GALNTL6: variants seen among roughly 807,000 people sequenced by gnomAD.
The protein encoded by GALNTL6 is polypeptide N-acetylgalactosaminyltransferase-like 6.
In GALNTL6, 46 loss-of-function variants were observed where a neutral mutation model predicts 73.7. The observed-to-expected ratio is 0.62, with a 90% CI of 0.49 to 0.80. The LOEUF is 0.80. GALNTL6 is among the 30% of genes least tolerant of loss of function. GALNTL6 has a pLI of 0.00. For synonymous variants in GALNTL6, 259 were observed against 263.7 expected, an observed-to-expected ratio of 0.98 and a Z score of 0.17; for missense variants, 604 against 755.0, an observed-to-expected ratio of 0.80 and a Z score of 2.34.
At chr4:172,837,388 T>A (rs1742964597) in intron 7 of GALNTL6, among the ~76,000 whole-genome samples, 1 of 152,182 alleles carries the variant, frequency 6.6e-6, no homozygotes, top group South Asian at 2.1e-4. Flanking sequence ...TCATCCATAG[T>A]TATTGTTTTA....
chr4:172,900,095 C>A (rs563024335), intron 8 of GALNTL6, among the ~76,000 whole-genome samples: 2 of 152,214 alleles, frequency 1.3e-5, no homozygotes, highest in South Asian at 4.1e-4. Flanking sequence ...GCCTTATTTA[C>A]CCAGCCTCTA....
intron 2 of GALNTL6, among the ~76,000 whole-genome samples, chr4:171,924,655 C>G (rs960054126): frequency 6.6e-6 from 1 of 152,122 alleles, no homozygotes; most frequent in Admixed American, 6.6e-5. Flanking sequence ...TTGCCTGTCA[C>G]AGGGAAGGTA....
At chr4:172,280,402 A>G (rs2111077622) in intron 3 of GALNTL6, among the ~76,000 whole-genome samples, 1 of 152,032 alleles carries the variant, frequency 6.6e-6, no homozygotes, top group African/African-American at 2.4e-5. Context: ...ACTCTTTAGG[A>G]TCTCCTTTTC....
Position 171,883,678 on chromosome 4 carries a change from C to T in GALNTL6, c.138+68960C>T, listed in dbSNP as rs28592055. 4.0e-5 allele frequency among the ~76,000 whole-genome samples: 6 copies of T among 150,380 alleles called. No homozygotes were observed. In the South Asian group the frequency reaches 1.0e-3, roughly 26 times the overall value. On this transcript the variant is annotated intron_variant, in intron 2 of 12. Coordinates refer to ENST00000506823, the MANE Select transcript of GALNTL6 (RefSeq NM_001034845.3). The stretch of plus-strand genomic sequence containing the variant: ...CTTTTTTTTTTTTGAGATAGAGTCT[C>T]GCTCTGTCGCCCAGGCTGGACTGCA...
intron 2 of GALNTL6, among the ~76,000 whole-genome samples, chr4:172,046,589 C>T (rs1351643635): frequency 6.6e-6 from 1 of 152,070 alleles, no homozygotes; most frequent in Non-Finnish European, 1.5e-5. Context: ...GATCTCTCTT[C>T]ATGGTTTTAA....
rs774277527 is a variant in GALNTL6 at position 171,814,657 on chromosome 4, G to A, written c.77G>A (p.Gly26Asp). The change falls in exon 2 of 13, where the codon GGT becomes GAT. Residue 26 changes from glycine (G) to aspartate (D), a missense_variant. Around this residue, in one of 5 missense-constraint regions of GALNTL6, gnomAD observed 141 missense variants for 156.6 expected, o/e 0.90. Transcript: ENST00000506823. ...TVALIFLPNV[G>D]LWSLYKDKHL... ...GCTTTAATTTTCCTGCCTAACGTTG[G>A]TCTCTGGTCTCTGTACAAGGATAAG... 5.0e-6 allele frequency: 8 copies of A among 1,614,124 alleles called. No homozygotes were observed. The highest frequency in any genetic ancestry group is 6.8e-6 in the Non-Finnish European group (8 of 1,180,018).
intron 5 of GALNTL6, among the ~76,000 whole-genome samples, chr4:172,607,060 G>A (rs1579236718): frequency 6.6e-6 from 1 of 152,012 alleles, no homozygotes; most frequent in South Asian, 2.1e-4. Flanking sequence ...TAGATATTTG[G>A]ACTTGAGAAA....
At chr4:172,907,612 G>A (rs993139351) in intron 8 of GALNTL6, among the ~76,000 whole-genome samples, 2 of 152,146 alleles carry the variant, frequency 1.3e-5, no homozygotes, top group African/African-American at 4.8e-5. Flanking sequence ...GACCCCAAAT[G>A]GATGCCTGAA....
At chr4:172,153,681 T>C (rs896363428) in intron 2 of GALNTL6, among the ~76,000 whole-genome samples, 1 of 152,226 alleles carries the variant, frequency 6.6e-6, no homozygotes, top group Non-Finnish European at 1.5e-5. Context: ...CTACTAGATA[T>C]TGTTCTCACA....
At chr4:171,860,235 C>T (rs1056062677) in intron 2 of GALNTL6, among the ~76,000 whole-genome samples, 7 of 152,134 alleles carry the variant, frequency 4.6e-5, no homozygotes, top group African/African-American at 1.7e-4. Context: ...TGATGAGGAA[C>T]ATAAAATCAG....
chr4:172,311,599 G>C lies in GALNTL6; in HGVS notation c.248-15G>C. 6.3e-7 allele frequency: 1 copy of C among 1,588,400 alleles called. No individual in the cohort carries two copies. Among genetic ancestry groups the C allele is most frequent in the South Asian group, 1.1e-5 (1 of 87,496 alleles). On this transcript the variant is annotated splice_polypyrimidine_tract_variant and intron_variant, in intron 3 of 12. Transcript: ENST00000506823. ...TTTATAGAGATGATAATCTCATTTT[G>C]TTTTCTCCTGCTAGGGAAAGGTGAA...
chr4:172,008,517 G>C (rs1268563634), intron 2 of GALNTL6, among the ~76,000 whole-genome samples: 1 of 151,172 alleles, frequency 6.6e-6, no homozygotes, highest in Non-Finnish European at 1.5e-5. Flanking sequence ...ACCTCCTTTT[G>C]TTTCCAAAAA....
chr4:173,022,037 A>T (rs1753014948), intron 12 of GALNTL6, among the ~76,000 whole-genome samples: 1 of 40,734 alleles, frequency 2.5e-5, no homozygotes, highest in East Asian at 1.2e-3. Flanking sequence ...GAAAGAAGGA[A>T]GGAAGGAAGG....
chr4:172,926,270 C>T (rs2111305922), intron 8 of GALNTL6, among the ~76,000 whole-genome samples: 1 of 152,238 alleles, frequency 6.6e-6, no homozygotes, highest in Middle Eastern at 3.4e-3. Context: ...AACTTAATCA[C>T]CTCCCAAGGA....
At chr4:172,285,948 C>G (rs1407613797) in intron 3 of GALNTL6, among the ~76,000 whole-genome samples, 1 of 152,176 alleles carries the variant, frequency 6.6e-6, no homozygotes, top group African/African-American at 2.4e-5. Flanking sequence ...ATGAAAAATA[C>G]AAAAGACTGA....
At chr4:172,193,182 T>G (rs35520285) in intron 2 of GALNTL6, among the ~76,000 whole-genome samples, 2 of 152,180 alleles carry the variant, frequency 1.3e-5, no homozygotes, top group Non-Finnish European at 2.9e-5. Context: ...GAGTGCTTCA[T>G]TAAGTGAGTC....
intron 5 of GALNTL6, among the ~76,000 whole-genome samples, chr4:172,419,511 G>A (rs1356160599): frequency 3.9e-5 from 6 of 152,130 alleles, no homozygotes; most frequent in South Asian, 2.1e-4. Context: ...TTAGCATAGT[G>A]TGAGGCACTT....
At chr4:172,028,460 A>G (rs1232387759) in intron 2 of GALNTL6, among the ~76,000 whole-genome samples, 1 of 152,098 alleles carries the variant, frequency 6.6e-6, no homozygotes, top group East Asian at 1.9e-4. Flanking sequence ...ATTTTATACA[A>G]ATTCTGAGTT....
intron 5 of GALNTL6, among the ~76,000 whole-genome samples, chr4:172,593,209 C>T (rs1341535907): frequency 6.6e-6 from 1 of 152,142 alleles, no homozygotes; most frequent in East Asian, 1.9e-4. Context: ...ACTTCTCAAA[C>T]ATAACTTACA....
Sources: allele counts gnomAD v4.1 joint callset (sites outside exome capture counted in the v4.1 genomes callset), GRCh38; gene constraint gnomAD v4.1.1; regional missense constraint gnomAD v4.1.1; transcripts MANE v1.5; gene names NCBI Gene and HGNC (gene_info 2026-07-23, HGNC 2026-07-21).